LTN1: variants seen among roughly 807,000 people sequenced by gnomAD.
The protein encoded by LTN1 is E3 ubiquitin-protein ligase listerin.
A neutral mutation model predicts 201.2 loss-of-function variants in LTN1; 88 were observed. The ratio of observed to expected loss-of-function variants is 0.44; its 90% CI spans 0.37 to 0.52. The LOEUF is 0.52. Ranked by LOEUF, LTN1 falls within the 20% of genes least tolerant of loss-of-function variation. The probability of loss-of-function intolerance (pLI) is 0.00; values close to 1 mark genes in which losing one functional copy is unlikely to be tolerated. For missense variants in LTN1, 1,752 were observed against 2,038.7 expected, an observed-to-expected ratio of 0.86 and a Z score of 2.71; for synonymous variants, 645 against 713.5, an observed-to-expected ratio of 0.90 and a Z score of 1.53.
chr21:28,978,961 GT>G (rs1568856008), intron 6 of LTN1, among the ~76,000 whole-genome samples: 1 of 152,190 alleles, frequency 6.6e-6, no homozygotes, highest in African/African-American at 2.4e-5. Flanking sequence ...GCAGCTGAAT[GT>G]TGCCTACTGA....
intron 27 of LTN1, among the ~76,000 whole-genome samples, chr21:28,933,824 G>A (rs1354563349): frequency 6.6e-6 from 1 of 151,826 alleles, no homozygotes; most frequent in African/African-American, 2.4e-5. Flanking sequence ...TTACAGGCAC[G>A]TGCCACCACA....
intron 29 of LTN1, 59 bp from the exon 30 acceptor site, chr21:28,930,569 A>G: frequency 1.8e-6 from 2 of 1,086,986 alleles, no homozygotes; most frequent in Non-Finnish European, 2.8e-6. Flanking sequence ...TCTAACATAC[A>G]TCATAAAGTA....
chr21:28,969,712 AGC>A, intron 8 of LTN1, 111 bp from the exon 9 acceptor site: 1 of 670,594 alleles, frequency 1.5e-6, no homozygotes, highest in Non-Finnish European at 2.3e-6. Context: ...ACATTTTTAA[AGC>A]AGTTTCTTAA....
chr21:28,966,617 GA>G lies in LTN1; in HGVS notation c.1873del (p.Ser625LeufsTer25). 1 of 1,614,040 alleles carries G rather than the reference GA, an allele frequency of 6.2e-7. No homozygotes were observed. Among genetic ancestry groups the G allele is most frequent in the Non-Finnish European group, 8.5e-7 (1 of 1,180,000 alleles). On this transcript the variant is annotated frameshift_variant, in exon 10 of 30. Coordinates refer to ENST00000361371, the MANE Select transcript of LTN1 (RefSeq NM_015565.3). LOFTEE classifies it high-confidence loss of function. Reference sequence around the variant, plus strand: ...TAGCATTTTAAATACTCGGCTTGAAGAAAAGGAGTCAAGCAGAGTAGAAAGA... The same window carrying G: ...TAGCATTTTAAATACTCGGCTTGAAGAAAGGAGTCAAGCAGAGTAGAAAGA... ...RFLSTLLDSFSSSRVFKMLLG... is the reference protein window; with the variant it reads ...RFLSTLLDSFXSSRVFKMLLG...
intron 6 of LTN1, among the ~76,000 whole-genome samples, chr21:28,973,636 T>C (rs761308800): frequency 6.6e-6 from 1 of 152,110 alleles, no homozygotes; most frequent in Non-Finnish European, 1.5e-5. Context: ...CAAGAAAATT[T>C]TGCTTTGCTT....
intron 21 of LTN1, among the ~76,000 whole-genome samples, chr21:28,945,232 A>G (rs573732646): frequency 4.1e-4 from 62 of 150,752 alleles, no homozygotes; most frequent in African/African-American, 1.2e-3. Flanking sequence ...AATTTAAAAA[A>G]AAAGAAAGAA....
intron 25 of LTN1, among the ~76,000 whole-genome samples, chr21:28,938,399 GATGT>G (rs1338115763): frequency 1.3e-5 from 2 of 152,132 alleles, no homozygotes; most frequent in Non-Finnish European, 2.9e-5. Flanking sequence ...TATGTTAAAA[GATGT>G]ATGTAACTTT....
chr21:28,989,813 G>C (rs2084730854), intron 1 of LTN1, among the ~76,000 whole-genome samples: 1 of 152,054 alleles, frequency 6.6e-6, no homozygotes. Context: ...CCAAGAGTTT[G>C]AGACCAGCCT....
At chr21:28,943,516 A>G in intron 23 of LTN1, 151 bp downstream of exon 23, 1 of 700,800 alleles carries the variant, frequency 1.4e-6, no homozygotes, top group Non-Finnish European at 2.4e-6. Context: ...ACAATAACCT[A>G]AAAGATGAGG....
At position 28,984,868 on chromosome 21, in the gene LTN1, G is replaced by C; in HGVS notation, c.400C>G (p.Leu134Val). 6.2e-7 allele frequency: 1 copy of C among 1,613,962 alleles called. No homozygotes were observed. Among genetic ancestry groups the C allele is most frequent in the Non-Finnish European group, 8.5e-7 (1 of 1,179,968 alleles). Residue 134 changes from leucine to valine, a missense_variant, in exon 4 of 30, where the codon CTT becomes GTT. Transcript: ENST00000361371. ...GGAGCCAACTGTTTCTTTACTTTAA[G>C]GATAAGTTTTTCAAAAGCTTGTTGT... is the stretch of plus-strand genomic sequence containing the variant. ...ATQQAFEKLI[L>V]KVKKQLAPYL...
At chr21:28,954,951 G>C (rs2084412505) in intron 16 of LTN1, among the ~76,000 whole-genome samples, 1 of 152,106 alleles carries the variant, frequency 6.6e-6, no homozygotes, top group Non-Finnish European at 1.5e-5. Context: ...TAAACTAAAA[G>C]CTTTCTGCAC....
intron 9 of LTN1, among the ~76,000 whole-genome samples, chr21:28,968,231 T>C (rs1282875442): frequency 6.6e-6 from 1 of 152,230 alleles, no homozygotes; most frequent in Non-Finnish European, 1.5e-5. Context: ...TTCTTGGTCA[T>C]TAACAATCTA....
In LTN1 at chr21:28,935,387, C is replaced by T. The variant is rs1039176099; in HGVS notation, c.4655-58G>A. 5 of 1,009,792 alleles carry T rather than the reference C, an allele frequency of 5.0e-6. No individual in the cohort carries two copies. In the African/African-American group the frequency reaches 6.5e-5, roughly 13 times the overall value. The allele number at this position is 1,009,792 out of a possible 1,614,324, so 62.6% of individuals were successfully genotyped here. A position where few individuals can be genotyped will look rare whatever the true frequency, so the allele number is the denominator to read the frequency against. On this transcript the variant is annotated intron_variant, in intron 26 of 29. Coordinates refer to ENST00000361371, the MANE Select transcript of LTN1 (RefSeq NM_015565.3). Reference sequence around the variant, plus strand: ...TATATTTCTTATATAGAATAACAGACTAATATTAGTATTTTCTTTAGAAAG... The same window carrying T: ...TATATTTCTTATATAGAATAACAGATTAATATTAGTATTTTCTTTAGAAAG...
intron 5 of LTN1, among the ~76,000 whole-genome samples, chr21:28,981,554 G>A (rs527748724): frequency 1.3e-5 from 2 of 152,146 alleles, no homozygotes; most frequent in South Asian, 4.2e-4. Flanking sequence ...TACCGCTCTC[G>A]GTAGCATGTA....
At position 28,986,049 on chromosome 21, in the gene LTN1, C is replaced by T. The variant is rs1375744809; in HGVS notation, c.345+90G>A. On this transcript the variant is annotated intron_variant, in intron 3 of 29. Transcript: ENST00000361371. The surrounding 1 kb of genome is among the most constrained non-coding windows in gnomAD (Gnocchi z 4.1). ...CTGACATAACATTTAATAACCCTCA[C>T]CAAAAATCAACATTATAAATTTGAG... 4.2e-6 allele frequency: 3 copies of T among 709,812 alleles called. No individual in the cohort carries two copies. Among genetic ancestry groups the T allele is most frequent in the East Asian group, 5.3e-5 (2 of 37,438 alleles). 44.0% of individuals were successfully genotyped at this position (709,812 alleles called of 1,614,324 possible).
Position 28,933,661 on chromosome 21 carries a change from T to TTCTC in LTN1, c.4876-1001_4876-998dup, listed in dbSNP as rs67814193. 1.8e-3 allele frequency among the ~76,000 whole-genome samples: 265 copies of TTCTC among 151,272 alleles called. 3 individuals carry two copies. Among genetic ancestry groups the TTCTC allele is most frequent in the African/African-American group, 6.3e-3 (259 of 41,246 alleles). ...TATGCTTTTTGCTTTTGCAATACTA[T>TTCTC]TCTCTCTCTCTCTCTCTTTTTTTTT... is the stretch of plus-strand genomic sequence containing the variant. On this transcript the variant is annotated intron_variant, in intron 27 of 29. Coordinates refer to ENST00000361371, the MANE Select transcript of LTN1 (RefSeq NM_015565.3).
chr21:28,982,958 C>T (rs952404957), intron 4 of LTN1, among the ~76,000 whole-genome samples: 3 of 152,168 alleles, frequency 2.0e-5, no homozygotes, highest in African/African-American at 7.2e-5. Context: ...CAAGTTAATT[C>T]CTGCTTTATA....
In LTN1 at chr21:28,967,148, T is replaced by C. The variant is rs1435171877; in HGVS notation, c.1343A>G (p.Asp448Gly). 1 of 1,612,996 alleles carries C rather than the reference T, an allele frequency of 6.2e-7. No homozygotes were observed. Among genetic ancestry groups the C allele is most frequent in the Non-Finnish European group, 8.5e-7 (1 of 1,179,700 alleles). Reference sequence around the variant, plus strand: ...TAGCTGCCCATGTTGCAATCCTGGGTCTTTGAGAACTGCATCAATAAAAGG... The same window carrying C: ...TAGCTGCCCATGTTGCAATCCTGGGCCTTTGAGAACTGCATCAATAAAAGG... ...LIPFIDAVLK[D>G]PGLQHGQLFN... Residue 448 changes from aspartate to glycine, a missense_variant, in exon 10 of 30, where the codon GAC (aspartate) becomes GGC (glycine). Coordinates refer to ENST00000361371, the MANE Select transcript of LTN1 (RefSeq NM_015565.3).
At chr21:28,962,383 T>G (rs2084486339) in intron 11 of LTN1, among the ~76,000 whole-genome samples, 1 of 152,202 alleles carries the variant, frequency 6.6e-6, no homozygotes, top group African/African-American at 2.4e-5. Flanking sequence ...GTGTCACATT[T>G]TGGTAATTCT....
Sources: allele counts gnomAD v4.1 joint callset (sites outside exome capture counted in the v4.1 genomes callset), GRCh38; gene constraint gnomAD v4.1.1; non-coding constraint Gnocchi (gnomAD v3.1); transcripts MANE v1.5; gene names NCBI Gene and HGNC (gene_info 2026-07-23, HGNC 2026-07-21).